Variants in DCAF1 observed in about 807,000 individuals in gnomAD.
DCAF1 encodes DDB1- and CUL4-associated factor 1.
Under a neutral mutation model 128.0 loss-of-function variants are expected in DCAF1, and 15 were observed. The observed-to-expected ratio is 0.12, with a 90% CI of 0.08 to 0.18. The LOEUF (loss-of-function observed/expected upper bound fraction) is 0.18. Among genes scored for constraint, DCAF1 ranks in the 10% least tolerant of loss-of-function variants. DCAF1 has a pLI of 1.00. For missense variants in DCAF1, 988 were observed against 1,649.5 expected, an observed-to-expected ratio of 0.60 and a Z score of 6.95; for synonymous variants, 610 against 603.0, an observed-to-expected ratio of 1.01 and a Z score of -0.17.
chr3:51,459,982 T>G (rs1417711020), intron 6 of DCAF1, among the ~76,000 whole-genome samples: 1 of 152,154 alleles, frequency 6.6e-6, no homozygotes, highest in Non-Finnish European at 1.5e-5. Flanking sequence ...AAGCATTCCC[T>G]TTGAAAACGG....
chr3:51,462,075 A>T lies in DCAF1; in HGVS notation c.375+1039T>A, dbSNP rs144825767. Among the ~76,000 whole-genome samples, 752 of 146,516 alleles carry T rather than the reference A, an allele frequency of 5.1e-3. 4 individuals are homozygous for T. Among genetic ancestry groups the T allele is most frequent in the African/African-American group, 0.016 (664 of 40,610 alleles). ...CTTAAAGTATAATAATAATAAAATT[A>T]AAAAAAAAAGAAAAGAAAAAAAACC... On this transcript the variant is annotated intron_variant, in intron 6 of 24. Coordinates refer to ENST00000684031, the MANE Select transcript of DCAF1 (RefSeq NM_001387579.1).
intron 2 of DCAF1, among the ~76,000 whole-genome samples, chr3:51,494,154 C>T (rs2108559944): frequency 6.8e-6 from 1 of 147,950 alleles, no homozygotes; most frequent in Admixed American, 6.7e-5. Context: ...ACTCTGTCGC[C>T]CAGAGACTGG....
chr3:51,473,867 G>T (rs185970217), intron 3 of DCAF1, among the ~76,000 whole-genome samples: 4 of 151,592 alleles, frequency 2.6e-5, no homozygotes, highest in African/African-American at 9.7e-5. Flanking sequence ...GCAATGGCAC[G>T]ATGTCGGCTC....
intron 3 of DCAF1, among the ~76,000 whole-genome samples, chr3:51,481,406 T>C (rs1295876304): frequency 2.0e-5 from 3 of 152,148 alleles, no homozygotes; most frequent in African/African-American, 2.4e-5. Context: ...CAATACCTAA[T>C]GCAGGCCAGG....
At chr3:51,452,224 T>C (rs985673435) in intron 6 of DCAF1, among the ~76,000 whole-genome samples, 2 of 151,978 alleles carry the variant, frequency 1.3e-5, no homozygotes, top group Non-Finnish European at 2.9e-5. Context: ...AGAGACTCCA[T>C]CTCTTTGTAA....
At chr3:51,472,328 C>T (rs1206418047) in intron 3 of DCAF1, among the ~76,000 whole-genome samples, 2 of 152,134 alleles carry the variant, frequency 1.3e-5, no homozygotes, top group African/African-American at 2.4e-5. Flanking sequence ...CCCAAGTAAC[C>T]GTTCATCTGC....
chr3:51,446,139 G>A (rs1243666526), intron 6 of DCAF1, among the ~76,000 whole-genome samples: 2 of 151,780 alleles, frequency 1.3e-5, no homozygotes, highest in Non-Finnish European at 1.5e-5. Flanking sequence ...GATTATAGGT[G>A]CACACCAACC....
At chr3:51,457,317 T>C (rs1314191734) in intron 6 of DCAF1, among the ~76,000 whole-genome samples, 1 of 152,156 alleles carries the variant, frequency 6.6e-6, no homozygotes, top group African/African-American at 2.4e-5. Flanking sequence ...GTATCAGTGA[T>C]GGAAGACGAA....
At chr3:51,437,300 A>G in intron 9 of DCAF1, 1 of 431,638 alleles carries the variant, frequency 2.3e-6, no homozygotes, top group African/African-American at 2.1e-5. Flanking sequence ...AGAAAGAAAG[A>G]GCAAGAAGAC....
At chr3:51,477,987 A>C (rs1013772599) in intron 3 of DCAF1, among the ~76,000 whole-genome samples, 2 of 151,924 alleles carry the variant, frequency 1.3e-5, no homozygotes, top group Non-Finnish European at 2.9e-5. Context: ...GCTACTATGC[A>C]TTGTTCCTTA....
chr3:51,489,153 G>A (rs935656815), intron 2 of DCAF1, among the ~76,000 whole-genome samples: 11 of 152,196 alleles, frequency 7.2e-5, no homozygotes, highest in South Asian at 2.1e-4. Context: ...GGAGTCCTCC[G>A]CCTGGCGTGG....
chr3:51,500,231 C>T (rs574294565), upstream of DCAF1, among the ~76,000 whole-genome samples: 1 of 150,370 alleles, frequency 6.7e-6, no homozygotes, highest in South Asian at 2.1e-4. Flanking sequence ...GACGCATGAG[C>T]TCTTCGCCTG....
At chr3:51,449,307 C>A (rs925108564) in intron 6 of DCAF1, among the ~76,000 whole-genome samples, 2 of 152,120 alleles carry the variant, frequency 1.3e-5, no homozygotes, top group Non-Finnish European at 2.9e-5. Context: ...TCCTGAGTTC[C>A]AGTGATTCTC....
In DCAF1 at chr3:51,408,122, A is replaced by G. The variant is rs148082847; in HGVS notation, c.4212+4257T>C. On this transcript the variant is annotated intron_variant, in intron 23 of 24. Transcript: ENST00000684031. ...GCAGACTAGCAGCCTCAGGAACCAA[A>G]TATTTATGGGTGTCCAATACATTGT... is the stretch of plus-strand genomic sequence containing the variant. 4.9e-3 allele frequency among the ~76,000 whole-genome samples: 742 copies of G among 152,204 alleles called. 4 individuals carry two copies. The highest frequency in any genetic ancestry group is 0.014 in the Middle Eastern group (4 of 294).
At chr3:51,441,158 GA>G (rs1553638550) in intron 8 of DCAF1, 87 bp from the exon 9 acceptor site, 1 of 1,310,478 alleles carries the variant, frequency 7.6e-7, no homozygotes, top group East Asian at 2.5e-5. Context: ...GAAGCCTAAA[GA>G]AATGATGCAC....
At chr3:51,427,945 T>C (rs1335865743) in intron 12 of DCAF1, among the ~76,000 whole-genome samples, 3 of 152,086 alleles carry the variant, frequency 2.0e-5, no homozygotes, top group Non-Finnish European at 2.9e-5. Context: ...ATTACAGGCA[T>C]GAGCCACCAT....
At chr3:51,499,464 G>A (rs1303404143) in intron 1 of DCAF1, among the ~76,000 whole-genome samples, 1 of 152,172 alleles carries the variant, frequency 6.6e-6, no homozygotes, top group African/African-American at 2.4e-5. Flanking sequence ...GAAGGGGCCC[G>A]CCGTATAGTA....
Position 51,413,027 on chromosome 3 carries a change from G to C in DCAF1, c.4076C>G (p.Thr1359Arg). 1 of 1,613,968 alleles carries C rather than the reference G, an allele frequency of 6.2e-7. No homozygotes were observed. Among genetic ancestry groups the C allele is most frequent in the South Asian group, 1.1e-5 (1 of 91,066 alleles). ...AGCAAGATAGCAGTCTTTGGTGTCT[G>C]TACACAGGTCAAAGATGTTCCGTTT... Reference protein sequence around the residue: ...DVKRNIFDLCTDTKDCYLAVI... With the variant: ...DVKRNIFDLCRDTKDCYLAVI... The change falls in exon 22 of 25, where the codon ACA (threonine) becomes AGA (arginine). Residue 1359 changes from threonine to arginine, a missense_variant. By Grantham distance (71) the Thr-to-Arg change is moderately conservative. Transcript: ENST00000684031.
At chr3:51,491,891 C>T (rs551134045) in intron 2 of DCAF1, among the ~76,000 whole-genome samples, 5 of 152,180 alleles carry the variant, frequency 3.3e-5, no homozygotes, top group Non-Finnish European at 5.9e-5. Context: ...GGCACAGTGG[C>T]TCACGCCTGT....
Sources: gnomAD v4.1 joint callset for allele counts (sites outside exome capture counted in the v4.1 genomes callset) on GRCh38, gnomAD v4.1.1 for gene constraint, MANE v1.5 for transcripts, NCBI Gene and HGNC (gene_info 2026-07-23, HGNC 2026-07-21) for gene names.